Variants in MYO10 observed in about 807,000 individuals in gnomAD.
MYO10 encodes myosin X.
In MYO10, 133 loss-of-function variants were observed where a neutral mutation model predicts 257.3. The ratio of observed to expected loss-of-function variants is 0.52; its 90% CI spans 0.45 to 0.60. MYO10 has a LOEUF of 0.60. Among genes scored for constraint, MYO10 ranks in the 20% least tolerant of loss-of-function variants. The pLI is 0.00. For missense variants in MYO10, 2,399 were observed against 2,635.7 expected (o/e 0.91, Z 1.97); for synonymous variants, 1,104 against 1,028.6 (o/e 1.07, Z -1.40).
chr5:16,774,542 C>T (rs1431439967), intron 9 of MYO10, among the ~76,000 whole-genome samples: 1 of 152,058 alleles, frequency 6.6e-6, no homozygotes, highest in Non-Finnish European at 1.5e-5. Flanking sequence ...CTGCCTCAGG[C>T]TCCCGAGTAG....
At chr5:16,761,767 G>A (rs1013239011) in intron 16 of MYO10, among the ~76,000 whole-genome samples, 5 of 151,840 alleles carry the variant, frequency 3.3e-5, no homozygotes, top group African/African-American at 4.8e-5. Context: ...CTCCCACCTC[G>A]GCCTCCAGAA....
At chr5:16,778,475 A>G (rs1343336542) in intron 9 of MYO10, among the ~76,000 whole-genome samples, 1 of 152,066 alleles carries the variant, frequency 6.6e-6, no homozygotes, top group Non-Finnish European at 1.5e-5. Flanking sequence ...TTTACATTAG[A>G]TGCTTTTGGG....
chr5:16,719,989 C>CGTGTGTGTGTGTGTGTGCGTGCGT (rs1739079042), intron 19 of MYO10, among the ~76,000 whole-genome samples: 3 of 143,442 alleles, frequency 2.1e-5, no homozygotes, highest in Non-Finnish European at 4.5e-5. Flanking sequence ...TGTGTGCGTG[C>CGTGTGTGTGTGTGTGTGCGTGCGT]GTGTGTGTGT....
At chr5:16,896,364 G>C (rs552979570) in intron 1 of MYO10, among the ~76,000 whole-genome samples, 20 of 152,278 alleles carry the variant, frequency 1.3e-4, no homozygotes, top group African/African-American at 4.8e-4. Context: ...GGGAGGCCTA[G>C]GTGGGTGGAT....
intron 19 of MYO10, among the ~76,000 whole-genome samples, chr5:16,719,948 G>C (rs543209072): frequency 6.6e-6 from 1 of 152,116 alleles, no homozygotes; most frequent in Non-Finnish European, 1.5e-5. Context: ...TAGGCAATAA[G>C]AGTGAAACTC....
At chr5:16,675,680 G>A (rs984187644) in intron 34 of MYO10, among the ~76,000 whole-genome samples, 25 of 152,294 alleles carry the variant, frequency 1.6e-4, no homozygotes, top group African/African-American at 5.5e-4. Flanking sequence ...AGATGTTGCA[G>A]TGAACCAAGA....
rs150086765 is a variant in MYO10, at chr5:16,924,594, A to T, written c.21+11194T>A. The stretch of plus-strand genomic sequence containing the variant: ...CAATGACTTAGGTACAAAAGCGTTC[A>T]TGCGCTGTTTTCTAGAAACAACCTA... On this transcript the variant is annotated intron_variant, in intron 1 of 40. Coordinates refer to ENST00000513610, the MANE Select transcript of MYO10 (RefSeq NM_012334.3). 5.0e-3 allele frequency among the ~76,000 whole-genome samples: 769 copies of T among 152,336 alleles called. 6 individuals carry two copies. The highest frequency in any genetic ancestry group is 0.017 in the African/African-American group (725 of 41,582).
intron 1 of MYO10, among the ~76,000 whole-genome samples, chr5:16,909,251 G>T (rs528162120): frequency 6.6e-6 from 1 of 152,106 alleles, no homozygotes. Flanking sequence ...GCTCACGCCC[G>T]TAATCCCAGA....
intron 21 of MYO10, among the ~76,000 whole-genome samples, chr5:16,708,547 C>T (rs929333650): frequency 3.3e-5 from 5 of 152,192 alleles, no homozygotes; most frequent in Admixed American, 2.6e-4. Flanking sequence ...TGAGGTGACT[C>T]GTTTATAGAG....
intron 2 of MYO10, among the ~76,000 whole-genome samples, chr5:16,864,771 C>T (rs1744195579): frequency 6.6e-6 from 1 of 152,198 alleles, no homozygotes; most frequent in Admixed American, 6.5e-5. Flanking sequence ...TCTGACTTTC[C>T]ATCTTTGAGC....
intron 10 of MYO10, among the ~76,000 whole-genome samples, chr5:16,768,676 T>C (rs1740954235): frequency 7.6e-6 from 1 of 131,912 alleles, no homozygotes. Flanking sequence ...TTTTTTTTTT[T>C]TTTTTTTTTT....
At chr5:16,909,412 A>C (rs1334190749) in intron 1 of MYO10, among the ~76,000 whole-genome samples, 1 of 151,612 alleles carries the variant, frequency 6.6e-6, no homozygotes, top group Non-Finnish European at 1.5e-5. Context: ...AGGCTGAGGC[A>C]GCAGAATCGC....
Position 16,689,996 on chromosome 5 carries a change from C to A in MYO10, c.3801-77G>T, listed in dbSNP as rs186458365. Reference sequence around the variant, plus strand: ...TAACTGAGGAAAGCAACTAATGAAGCCAATGACTAGAGTTGGGAACTGTCT... The same window carrying A: ...TAACTGAGGAAAGCAACTAATGAAGACAATGACTAGAGTTGGGAACTGTCT... On this transcript the variant is annotated intron_variant, in intron 27 of 40. Transcript: ENST00000513610. 1.3e-4 allele frequency: 132 copies of A among 1,052,082 alleles called. 1 individual carries two copies. The East Asian group carries it at 3.0e-3, about 24-fold the overall frequency. 65.2% of individuals were successfully genotyped at this position (1,052,082 alleles called of 1,614,324 possible).
rs1363192492 is a variant in MYO10 at position 16,682,002 on chromosome 5, A to G, written c.4058T>C (p.Phe1353Ser). ...CACCCGGTTGGCCGTGATGATCACA[A>G]ACGAGTTGGGTCTGAGCCACAAGAT... ...ASDSPDRPNSFVIITANRVLH... is the reference protein window; with the variant it reads ...ASDSPDRPNSSVIITANRVLH... Residue 1353 changes from phenylalanine to serine, a missense_variant, in exon 31 of 41, where the codon TTT becomes TCT. Physicochemically the swap from Phe to Ser is radical, Grantham distance 155. Transcript: ENST00000513610. The G allele has an allele frequency of 6.2e-7, 1 of 1,613,320 alleles. No individual in the cohort carries two copies. The highest frequency in any genetic ancestry group is 8.5e-7 in the Non-Finnish European group (1 of 1,179,874).
At chr5:16,922,030 C>CA (rs1382822932) in intron 1 of MYO10, among the ~76,000 whole-genome samples, 1 of 152,034 alleles carries the variant, frequency 6.6e-6, no homozygotes, top group Admixed American at 6.6e-5. Context: ...CCCTGGCCAA[C>CA]ATGGTAAACC....
chr5:16,724,502 G>T (rs185747061), intron 19 of MYO10, among the ~76,000 whole-genome samples: 1 of 152,158 alleles, frequency 6.6e-6, no homozygotes, highest in East Asian at 1.9e-4. Flanking sequence ...GCCAGCATAA[G>T]GTCCAAGTAG....
At chr5:16,929,359 TG>T (rs1018859194) in intron 1 of MYO10, among the ~76,000 whole-genome samples, 1 of 152,142 alleles carries the variant, frequency 6.6e-6, no homozygotes, top group African/African-American at 2.4e-5. Context: ...GTTTTCCACT[TG>T]AAAATCATTT....
rs1245545727 is a variant in MYO10 at position 16,893,868 on chromosome 5, C to T, written c.22-16161G>A. 2.0e-5 allele frequency among the ~76,000 whole-genome samples: 3 copies of T among 152,056 alleles called. No individual in the cohort carries two copies. In the South Asian group the frequency reaches 6.2e-4, roughly 32 times the overall value. On this transcript the variant is annotated intron_variant, in intron 1 of 40. Coordinates refer to ENST00000513610, the MANE Select transcript of MYO10 (RefSeq NM_012334.3). ...GCTGAAATTGGAGGGGACTCTTCTCCGAGGACACAGCCTCTCCCCAGCAGT... is the reference window on the plus strand; with the variant it reads ...GCTGAAATTGGAGGGGACTCTTCTCTGAGGACACAGCCTCTCCCCAGCAGT...
chr5:16,792,681 A>G (rs1366269881), intron 4 of MYO10, among the ~76,000 whole-genome samples: 1 of 152,048 alleles, frequency 6.6e-6, no homozygotes, highest in Non-Finnish European at 1.5e-5. Flanking sequence ...TCCCACAGTC[A>G]TCATGGCCAC....
Sources: gnomAD v4.1 joint callset for allele counts (sites outside exome capture counted in the v4.1 genomes callset) on GRCh38, gnomAD v4.1.1 for gene constraint, MANE v1.5 for transcripts, NCBI Gene and HGNC (gene_info 2026-07-23, HGNC 2026-07-21) for gene names.